Variants in ACOXL observed in about 807,000 individuals in gnomAD.
ACOXL encodes the protein acyl-coenzyme A oxidase-like protein.
A neutral mutation model predicts 71.9 loss-of-function variants in ACOXL; 70 were observed. The ratio of observed to expected loss-of-function variants is 0.97; its 90% CI spans 0.80 to 1.19. The LOEUF (loss-of-function observed/expected upper bound fraction) is 1.19. Ranked by LOEUF, ACOXL falls within the 50% of genes most tolerant of loss-of-function variation. The pLI is 0.00. For missense variants in ACOXL, 703 were observed against 736.3 expected, an observed-to-expected ratio of 0.95 and a Z score of 0.52; for synonymous variants, 253 against 281.6, an observed-to-expected ratio of 0.90 and a Z score of 1.02.
intron 9 of ACOXL, among the ~76,000 whole-genome samples, chr2:110,838,322 ATG>A (rs1450488205): frequency 1.3e-5 from 2 of 151,984 alleles, no homozygotes; most frequent in Non-Finnish European, 2.9e-5. Flanking sequence ...TAGTGTGCAT[ATG>A]TGTGTGTGCA....
At chr2:110,833,959 C>G (rs1382734564) in intron 9 of ACOXL, among the ~76,000 whole-genome samples, 1 of 152,056 alleles carries the variant, frequency 6.6e-6, no homozygotes, top group Admixed American at 6.6e-5. Context: ...TGAGAGGGGT[C>G]CACAAGCTGA....
At chr2:110,766,172 T>C (rs868475018) in intron 1 of ACOXL, among the ~76,000 whole-genome samples, 1 of 152,226 alleles carries the variant, frequency 6.6e-6, no homozygotes, top group Non-Finnish European at 1.5e-5. Flanking sequence ...TTATCATTCA[T>C]GTTGTGATGT....
intron 14 of ACOXL, among the ~76,000 whole-genome samples, chr2:111,024,902 TATA>T (rs966653288): frequency 1.3e-4 from 20 of 149,224 alleles, no homozygotes; most frequent in Admixed American, 3.4e-4. Context: ...TATATAAATG[TATA>T]ATAATATATA....
intron 9 of ACOXL, among the ~76,000 whole-genome samples, chr2:110,809,853 G>A (rs1687099342): frequency 6.6e-6 from 1 of 152,214 alleles, no homozygotes; most frequent in Non-Finnish European, 1.5e-5. Context: ...GTGGTGGTGT[G>A]GCTCTGTGGG....
At chr2:110,762,710 C>T (rs568949004) in intron 1 of ACOXL, among the ~76,000 whole-genome samples, 11 of 152,268 alleles carry the variant, frequency 7.2e-5, no homozygotes, top group African/African-American at 2.6e-4. Flanking sequence ...GGCTGGAGTG[C>T]AATGGTGTGA....
At chr2:110,835,753 ACAT>A (rs1268922717) in intron 9 of ACOXL, among the ~76,000 whole-genome samples, 1 of 152,222 alleles carries the variant, frequency 6.6e-6, no homozygotes, top group African/African-American at 2.4e-5. Context: ...TTCTTTCTGT[ACAT>A]CATCTCATTC....
chr2:110,975,717 C>T (rs2062415114), intron 12 of ACOXL, among the ~76,000 whole-genome samples: 1 of 151,576 alleles, frequency 6.6e-6, no homozygotes, highest in South Asian at 2.1e-4. Context: ...GATGTGTGGC[C>T]ACATTGTATC....
intron 10 of ACOXL, among the ~76,000 whole-genome samples, chr2:110,880,171 A>AT (rs1696465860): frequency 6.7e-6 from 1 of 149,544 alleles, no homozygotes. Context: ...AAAAAAAAAA[A>AT]AGAAAAGAAA....
chr2:111,081,531 C>T (rs776944941), intron 16 of ACOXL, among the ~76,000 whole-genome samples: 13 of 152,198 alleles, frequency 8.5e-5, no homozygotes, highest in Non-Finnish European at 1.6e-4. Flanking sequence ...AGGACACAAA[C>T]AAATGGAAAA....
chr2:111,046,089 T>A (rs1399240531), intron 15 of ACOXL, among the ~76,000 whole-genome samples: 1 of 152,230 alleles, frequency 6.6e-6, no homozygotes, highest in Non-Finnish European at 1.5e-5. Flanking sequence ...CCATGTGTCA[T>A]GTGTCACATC....
intron 14 of ACOXL, among the ~76,000 whole-genome samples, chr2:110,996,308 A>G (rs1011390915): frequency 2.0e-5 from 3 of 152,148 alleles, no homozygotes; most frequent in South Asian, 4.1e-4. Flanking sequence ...TCATTGTTTT[A>G]TGTGTATAAA....
chr2:110,774,144 G>A (rs1036724056), intron 2 of ACOXL, among the ~76,000 whole-genome samples: 2 of 152,088 alleles, frequency 1.3e-5, no homozygotes, highest in Non-Finnish European at 2.9e-5. Context: ...AGTCCCTTCC[G>A]TGTGCCAGGT....
At chr2:110,934,175 G>A (rs1485158238) in intron 12 of ACOXL, among the ~76,000 whole-genome samples, 1 of 152,236 alleles carries the variant, frequency 6.6e-6, no homozygotes, top group East Asian at 1.9e-4. Flanking sequence ...AGCTGGATCT[G>A]TGTGCAGCTG....
At chr2:110,749,352 A>G (rs77782288) in intron 1 of ACOXL, among the ~76,000 whole-genome samples, 4,430 of 152,320 alleles carry the variant, frequency 0.029, 223 homozygotes, top group African/African-American at 0.099. Flanking sequence ...GTTACAAAGC[A>G]TAGTACAGAG....
intron 15 of ACOXL, among the ~76,000 whole-genome samples, chr2:111,046,623 T>C (rs547448857): frequency 2.4e-4 from 36 of 152,100 alleles, no homozygotes; most frequent in Non-Finnish European, 4.3e-4. Context: ...TCATGAGAAC[T>C]CACTATCATG....
chr2:110,778,395 TG>T (rs1682920318), intron 2 of ACOXL, among the ~76,000 whole-genome samples: 2 of 152,218 alleles, frequency 1.3e-5, no homozygotes, highest in African/African-American at 4.8e-5. Flanking sequence ...CCAAAAATAA[TG>T]CATATCCCAA....
intron 1 of ACOXL, among the ~76,000 whole-genome samples, chr2:110,738,159 A>G (rs1677095825): frequency 6.6e-6 from 1 of 152,214 alleles, no homozygotes; most frequent in Non-Finnish European, 1.5e-5. Context: ...GAGAGGCTGC[A>G]TAGAGAGAGG....
chr2:110,922,959 G>A (rs750045253), intron 11 of ACOXL, among the ~76,000 whole-genome samples: 30 of 152,068 alleles, frequency 2.0e-4, no homozygotes, highest in Non-Finnish European at 4.1e-4. Context: ...CACCCTCCAT[G>A]GTCTCTGGCC....
intron 10 of ACOXL, among the ~76,000 whole-genome samples, chr2:110,901,636 T>C (rs1188548671): frequency 1.6e-5 from 2 of 127,246 alleles, no homozygotes; most frequent in African/African-American, 3.0e-5. Flanking sequence ...AGCATATATC[T>C]CTACGCCACA....
Sources: allele counts gnomAD v4.1 joint callset (sites outside exome capture counted in the v4.1 genomes callset), GRCh38; gene constraint gnomAD v4.1.1; transcripts MANE v1.5; gene names NCBI Gene and HGNC (gene_info 2026-07-23, HGNC 2026-07-21).